DYSF: variants seen among roughly 807,000 people sequenced by gnomAD.
DYSF encodes the protein dysferlin, also known as dystrophy-associated fer-1-like 1.
DYSF carries 212 observed loss-of-function variants against 274.9 expected under a neutral mutation model. That is an observed-to-expected ratio of 0.77 (90% CI 0.69 to 0.86). The LOEUF (loss-of-function observed/expected upper bound fraction) is 0.86. Ranked by LOEUF, DYSF falls within the 40% of genes least tolerant of loss-of-function variation. The probability of loss-of-function intolerance (pLI) is 0.00; values close to 1 mark genes in which losing one functional copy is unlikely to be tolerated. For synonymous variants in DYSF, 1,091 were observed against 1,078.7 expected (o/e 1.01, Z -0.22); for missense variants, 2,666 against 2,783.2 (o/e 0.96, Z 0.95).
chr2:71,612,147 G>A (rs181542083), intron 38 of DYSF, among the ~76,000 whole-genome samples: 331 of 152,334 alleles, frequency 2.2e-3, no homozygotes, highest in African/African-American at 7.7e-3. Context: ...AGAAATTCCA[G>A]GCCCAGTGGC....
chr2:71,533,208 C>A (rs1427128107), intron 14 of DYSF, among the ~76,000 whole-genome samples: 1 of 152,174 alleles, frequency 6.6e-6, no homozygotes, highest in Non-Finnish European at 1.5e-5. Flanking sequence ...TTAGTAGAGA[C>A]AGGGCTTTGC....
intron 53 of DYSF, 63 bp downstream of exon 53, chr2:71,679,298 C>A: frequency 6.6e-7 from 1 of 1,520,038 alleles, no homozygotes; most frequent in Non-Finnish European, 9.0e-7. Context: ...TAGAAATTGT[C>A]AGAAAATACG....
chr2:71,488,423 T>C (rs1309644997), intron 3 of DYSF, among the ~76,000 whole-genome samples: 1 of 152,110 alleles, frequency 6.6e-6, no homozygotes. Context: ...AGCACCATGG[T>C]CAAAATGATG....
intron 10 of DYSF, 82 bp downstream of exon 10, chr2:71,517,121 C>T (rs2086739693): frequency 1.5e-6 from 2 of 1,302,038 alleles, no homozygotes; most frequent in Middle Eastern, 1.8e-4. Flanking sequence ...GGCAGGGGCT[C>T]CAGAGATCCT....
intron 45 of DYSF, among the ~76,000 whole-genome samples, chr2:71,664,004 C>A (rs1397468410): frequency 6.6e-6 from 1 of 152,184 alleles, no homozygotes; most frequent in African/African-American, 2.4e-5. Flanking sequence ...ATGTGCATTT[C>A]CAATTCATTC....
In DYSF at chr2:71,515,641, G is replaced by A. The variant is rs759065714; in HGVS notation, c.778G>A (p.Glu260Lys). Residue 260 changes from glutamate to lysine, a missense_variant, in exon 8 of 56, where the codon GAG becomes AAG. Around this residue, in one of 3 missense-constraint regions of DYSF, gnomAD observed 794 missense variants for 777.1 expected, o/e 1.02. Coordinates refer to ENST00000410020, the MANE Select transcript of DYSF (RefSeq NM_001130987.2). ...QDFQIRVQVI[E>K]GRQLPGVNIK... Reference sequence around the variant, plus strand: ...CTTTCAGATCAGGGTCCAGGTGATCGAGGGGCGCCAGCTGCCGGGGGTGAA... The same window carrying A: ...CTTTCAGATCAGGGTCCAGGTGATCAAGGGGCGCCAGCTGCCGGGGGTGAA... The A allele has an allele frequency of 3.7e-6, 6 of 1,613,932 alleles. No homozygotes were observed. Among genetic ancestry groups the A allele is most frequent in the Non-Finnish European group, 5.1e-6 (6 of 1,179,918 alleles).
chr2:71,600,043 G>A (rs992787163), intron 33 of DYSF, among the ~76,000 whole-genome samples: 1 of 152,202 alleles, frequency 6.6e-6, no homozygotes, highest in Admixed American at 6.5e-5. Context: ...GCACTTCTCG[G>A]GGGGACTCGG....
rs75563048 is a variant in DYSF at position 71,656,348 on chromosome 2, A to G, written c.4755+58A>G. 6.5e-3 allele frequency: 10,504 copies of G among 1,609,530 alleles called. 98 individuals are homozygous for G. The highest frequency in any genetic ancestry group is 0.031 in the East Asian group (1,405 of 44,748). On this transcript the variant is annotated intron_variant, in intron 43 of 55. Transcript: ENST00000410020. The stretch of plus-strand genomic sequence containing the variant: ...GGCCTAAGACTGTGGTGTTGGAGCA[A>G]TAAGTGAAGGGGAGGGGTCGTACCT...
At chr2:71,471,416 T>C (rs561216315) in intron 1 of DYSF, among the ~76,000 whole-genome samples, 16 of 152,298 alleles carry the variant, frequency 1.1e-4, no homozygotes, top group Admixed American at 2.6e-4. Context: ...ACAGGGTGTT[T>C]ATCTACAGGG....
chr2:71,627,694 T>A (rs1297038929), intron 41 of DYSF, among the ~76,000 whole-genome samples: 1 of 152,170 alleles, frequency 6.6e-6, no homozygotes, highest in Non-Finnish European at 1.5e-5. Context: ...GATGTGACAT[T>A]TGTCAATTTC....
intron 1 of DYSF, among the ~76,000 whole-genome samples, chr2:71,477,338 G>A (rs1257312949): frequency 1.5e-4 from 23 of 152,122 alleles, no homozygotes. Flanking sequence ...TGGTAATGAA[G>A]CTACAGGTCT....
chr2:71,659,549 C>T (rs1006698898), intron 44 of DYSF, among the ~76,000 whole-genome samples: 6 of 152,214 alleles, frequency 3.9e-5, no homozygotes, highest in African/African-American at 9.6e-5. Flanking sequence ...AACACTCACC[C>T]GGTCTTTATT....
chr2:71,636,830 A>G (rs555769672), intron 41 of DYSF, among the ~76,000 whole-genome samples: 20 of 152,314 alleles, frequency 1.3e-4, no homozygotes, highest in African/African-American at 4.8e-4. Flanking sequence ...GACAAGAAGG[A>G]GGCAGCAAAG....
In DYSF at chr2:71,553,792, G is replaced by T. The variant is rs146407633; in HGVS notation, c.1985-15G>T. On this transcript the variant is annotated splice_polypyrimidine_tract_variant and intron_variant, in intron 20 of 55. Coordinates refer to ENST00000410020, the MANE Select transcript of DYSF (RefSeq NM_001130987.2). Reference sequence around the variant, plus strand: ...CACTCCTGGCACAGCGCTCAGGCCCGTCTCTCCATTCCAGGGTGCCACTAC... The same window carrying T: ...CACTCCTGGCACAGCGCTCAGGCCCTTCTCTCCATTCCAGGGTGCCACTAC... 747 of 806,708 alleles carry T rather than the reference G, an allele frequency of 9.3e-4. 3 individuals carry two copies. The East Asian group carries it at 0.038, about 41-fold the overall frequency. The allele number at this position is 806,708 out of a possible 1,614,324, so 50.0% of individuals were successfully genotyped here.
chr2:71,590,128 A>T, intron 31 of DYSF, 83 bp from the exon 32 acceptor site: 2 of 1,391,344 alleles, frequency 1.4e-6, no homozygotes, highest in South Asian at 1.2e-5. Flanking sequence ...CTTTCTAGGG[A>T]CAGACTCCAC....
chr2:71,529,277 C>T (rs1055182971), intron 14 of DYSF, among the ~76,000 whole-genome samples: 9 of 152,216 alleles, frequency 5.9e-5, no homozygotes, highest in African/African-American at 2.2e-4. Flanking sequence ...CCCCAGGGCC[C>T]ATCCCTACCT....
Position 71,658,917 on chromosome 2 carries a change from A to C in DYSF, c.4795A>C (p.Ile1599Leu). Residue 1599 changes from isoleucine to leucine, a missense_variant, in exon 44 of 56, where the codon ATC becomes CTC. Physicochemically the swap from Ile to Leu is conservative, Grantham distance 5 (BLOSUM62 2). This residue lies in a region of DYSF where 1,460 missense variants were observed against 1,502.1 expected (regional missense o/e 0.97). Coordinates refer to ENST00000410020, the MANE Select transcript of DYSF (RefSeq NM_001130987.2). ...TTATCCCCTCCCAGAAGACCCAGCC[A>C]TCCCCATGCCCCCAAGACAGTTCCA... ...KIYPLPEDPA[I>L]PMPPRQFHQL... 2 of 1,614,066 alleles carry C rather than the reference A, an allele frequency of 1.2e-6. No homozygotes were observed. Among genetic ancestry groups the C allele is most frequent in the African/African-American group, 1.3e-5 (1 of 75,012 alleles).
chr2:71,459,772 G>A (rs1383788808), intron 1 of DYSF, among the ~76,000 whole-genome samples: 2 of 152,146 alleles, frequency 1.3e-5, no homozygotes, highest in East Asian at 3.9e-4. Context: ...GCTCTCTGGA[G>A]GGCAGAGAGC....
At chr2:71,658,737 T>C (rs1466050921) in intron 43 of DYSF, 141 bp from the exon 44 acceptor site, 1 of 951,102 alleles carries the variant, frequency 1.1e-6, no homozygotes, top group Admixed American at 2.3e-5. Context: ...CCCCCATGAT[T>C]CAATTATCTC....
Sources: allele counts gnomAD v4.1 joint callset (sites outside exome capture counted in the v4.1 genomes callset), GRCh38; gene constraint gnomAD v4.1.1; regional missense constraint gnomAD v4.1.1; transcripts MANE v1.5; gene names NCBI Gene and HGNC (gene_info 2026-07-23, HGNC 2026-07-21).